The following PPP1R9A variants were observed in gnomAD, a reference collection of about 807,000 sequenced individuals.
PPP1R9A encodes the protein protein phosphatase 1 regulatory subunit 9A.
In PPP1R9A, 59 loss-of-function variants were observed where a neutral mutation model predicts 141.9. The ratio of observed to expected loss-of-function variants is 0.42; its 90% CI spans 0.34 to 0.52. PPP1R9A has a LOEUF of 0.52. PPP1R9A is among the 20% of genes least tolerant of loss of function. The pLI, the probability that PPP1R9A is intolerant of heterozygous loss-of-function variation, is 0.10. For synonymous variants in PPP1R9A, 500 were observed against 569.7 expected (o/e 0.88, Z 1.74); for missense variants, 1,444 against 1,611.9 (o/e 0.90, Z 1.78).
At chr7:95,190,107 C>A (rs1234369147) in intron 5 of PPP1R9A, among the ~76,000 whole-genome samples, 1 of 152,206 alleles carries the variant, frequency 6.6e-6, no homozygotes, top group East Asian at 1.9e-4. Flanking sequence ...CTTGTTTTGC[C>A]ACATTACCAG....
intron 2 of PPP1R9A, among the ~76,000 whole-genome samples, chr7:94,913,400 T>C (rs1791687042): frequency 1.3e-5 from 2 of 152,188 alleles, no homozygotes; most frequent in South Asian, 4.1e-4. Flanking sequence ...GACAATTTTA[T>C]CTAGCAAATA....
At chr7:95,029,272 A>T (rs1294373097) in intron 2 of PPP1R9A, among the ~76,000 whole-genome samples, 3 of 152,206 alleles carry the variant, frequency 2.0e-5, no homozygotes, top group South Asian at 4.1e-4. Context: ...GAAAACATGA[A>T]TTGAAATGTA....
intron 5 of PPP1R9A, among the ~76,000 whole-genome samples, chr7:95,162,199 T>A (rs1329831406): frequency 1.3e-5 from 2 of 152,166 alleles, no homozygotes; most frequent in Non-Finnish European, 2.9e-5. Flanking sequence ...AGCACTTGTC[T>A]TCATATCTTT....
chr7:95,036,682 G>A (rs1329658857), intron 2 of PPP1R9A: 2 of 152,200 alleles, frequency 1.3e-5, no homozygotes, highest in Non-Finnish European at 2.9e-5. Context: ...TAAAACAGTC[G>A]AAAGGATGTA....
At chr7:95,189,505 C>T (rs1835160272) in intron 5 of PPP1R9A, among the ~76,000 whole-genome samples, 1 of 139,036 alleles carries the variant, frequency 7.2e-6, no homozygotes, top group Non-Finnish European at 1.5e-5. Flanking sequence ...GGCGGGATCT[C>T]GGCTCACTGC....
Position 95,168,049 on chromosome 7 carries a change from A to G in PPP1R9A, c.1754+6078A>G, listed in dbSNP as rs980212671. 2.6e-4 allele frequency among the ~76,000 whole-genome samples: 40 copies of G among 152,308 alleles called. 1 individual carries two copies. The highest frequency in any genetic ancestry group is 2.2e-3 in the Admixed American group (33 of 15,294). On this transcript the variant is annotated intron_variant, in intron 5 of 19. Coordinates refer to ENST00000433360, the MANE Select transcript of PPP1R9A (RefSeq NM_001166160.2). ...TCACAGAAATAGAAAAAAGATCCTA[A>G]AATGTGTAAGAAACCAAGTACGGCT...
rs189359322 is a variant in PPP1R9A, at chr7:94,926,869, C to T, written c.1395+15361C>T. Among the ~76,000 whole-genome samples the T allele has an allele frequency of 3.7e-3, 558 of 152,140 alleles. 3 individuals are homozygous for T. Among genetic ancestry groups the T allele is most frequent in the African/African-American group, 0.013 (523 of 41,512 alleles). On this transcript the variant is annotated intron_variant, in intron 2 of 19. Transcript: ENST00000433360. ...ACTGTGAATTTGTTTATCCAGAAAACAGTTTTTCATTTTCTTGGTGACTTG... is the reference window on the plus strand; with the variant it reads ...ACTGTGAATTTGTTTATCCAGAAAATAGTTTTTCATTTTCTTGGTGACTTG...
intron 2 of PPP1R9A, among the ~76,000 whole-genome samples, chr7:94,928,721 G>A (rs1478988740): frequency 1.3e-5 from 2 of 152,110 alleles, no homozygotes; most frequent in Non-Finnish European, 2.9e-5. Flanking sequence ...TAAAACATGA[G>A]TGTGAAAATA....
intron 7 of PPP1R9A, among the ~76,000 whole-genome samples, chr7:95,212,484 C>A (rs565955169): frequency 6.6e-6 from 1 of 152,258 alleles, no homozygotes; most frequent in Non-Finnish European, 1.5e-5. Flanking sequence ...CTAAAGGGAG[C>A]TTTCCTGAGG....
intron 2 of PPP1R9A, among the ~76,000 whole-genome samples, chr7:95,070,243 A>G (rs1813571024): frequency 6.6e-6 from 1 of 151,704 alleles, no homozygotes; most frequent in African/African-American, 2.4e-5. Flanking sequence ...ATGTAACCTC[A>G]CCCTTGTAAG....
intron 2 of PPP1R9A, among the ~76,000 whole-genome samples, chr7:94,917,197 T>A (rs1792187862): frequency 6.6e-6 from 1 of 152,198 alleles, no homozygotes. Context: ...AAATGAAATA[T>A]GTCAAATATT....
intron 6 of PPP1R9A, among the ~76,000 whole-genome samples, chr7:95,198,685 A>G (rs1836647584): frequency 6.6e-6 from 1 of 152,246 alleles, no homozygotes; most frequent in East Asian, 1.9e-4. Flanking sequence ...TGTTTACAGT[A>G]TGAAGACTGT....
chr7:95,094,815 G>T (rs557507800), intron 2 of PPP1R9A, among the ~76,000 whole-genome samples: 7 of 141,666 alleles, frequency 4.9e-5, no homozygotes, highest in African/African-American at 1.8e-4. Context: ...GGGAGGCAGA[G>T]GTTCCAATGA....
At chr7:95,106,562 T>C (rs1584716412) in intron 2 of PPP1R9A, among the ~76,000 whole-genome samples, 1 of 152,296 alleles carries the variant, frequency 6.6e-6, no homozygotes, top group African/African-American at 2.4e-5. Flanking sequence ...CAAGCCATTT[T>C]CTCTACTGGT....
chr7:94,976,879 A>G (rs919337457), intron 2 of PPP1R9A, among the ~76,000 whole-genome samples: 2 of 152,118 alleles, frequency 1.3e-5, no homozygotes, highest in Admixed American at 6.5e-5. Context: ...CAAAACAGAC[A>G]TGGTCCCTTC....
In PPP1R9A at chr7:95,292,343, G is replaced by A. The variant is rs1257301843; in HGVS notation, c.*2040G>A. 1 of 152,544 alleles carries A rather than the reference G, an allele frequency of 6.6e-6. No homozygotes were observed. Among genetic ancestry groups the A allele is most frequent in the East Asian group, 1.9e-4 (1 of 5,188 alleles). The allele number at this position is 152,544 out of a possible 1,614,324, so 9.4% of individuals were successfully genotyped here. A position where few individuals can be genotyped will look rare whatever the true frequency, so the allele number is the denominator to read the frequency against. On this transcript the variant is annotated 3_prime_UTR_variant, in exon 20 of 20. Coordinates refer to ENST00000433360, the MANE Select transcript of PPP1R9A (RefSeq NM_001166160.2). The stretch of plus-strand genomic sequence containing the variant: ...TCTGGTAATATTAGTGCTTGCTATT[G>A]TAAATTTTTGCCATTTTTGCTTATC...
chr7:95,229,092 A>G (rs1795544746), intron 8 of PPP1R9A, among the ~76,000 whole-genome samples: 1 of 152,044 alleles, frequency 6.6e-6, no homozygotes, highest in South Asian at 2.1e-4. Flanking sequence ...TGACAGAACC[A>G]CACAAGACCC....
At chr7:94,964,631 C>T (rs2151159502) in intron 2 of PPP1R9A, among the ~76,000 whole-genome samples, 1 of 152,224 alleles carries the variant, frequency 6.6e-6, no homozygotes, top group Non-Finnish European at 1.5e-5. Context: ...TGATGGTTTC[C>T]AGCTTCATCC....
chr7:95,140,115 G>A (rs1024430697), intron 4 of PPP1R9A, among the ~76,000 whole-genome samples: 2 of 152,186 alleles, frequency 1.3e-5, no homozygotes, highest in African/African-American at 2.4e-5. Flanking sequence ...AGAAATGAAA[G>A]TAGAAGTAGG....
Sources: gnomAD v4.1 joint callset for allele counts (sites outside exome capture counted in the v4.1 genomes callset) on GRCh38, gnomAD v4.1.1 for gene constraint, MANE v1.5 for transcripts, NCBI Gene and HGNC (gene_info 2026-07-23, HGNC 2026-07-21) for gene names.